The following MDGA2 variants were observed in gnomAD, a reference collection of about 807,000 sequenced individuals.
The protein encoded by MDGA2 is MAM domain containing glycosylphosphatidylinositol anchor 2.
MDGA2 carries 40 observed loss-of-function variants against 117.8 expected under a neutral mutation model. That is an observed-to-expected ratio of 0.34 (90% CI 0.26 to 0.44). MDGA2 has a LOEUF of 0.44. Among genes scored for constraint, MDGA2 ranks in the 20% least tolerant of loss-of-function variants. The pLI is 1.00. For missense variants in MDGA2, 1,123 were observed against 1,250.6 expected (o/e 0.90, Z 1.54); for synonymous variants, 452 against 439.0 (o/e 1.03, Z -0.37).
At chr14:47,069,043 AACTTGTTTAGGTC>A (rs1209918896) in intron 6 of MDGA2, among the ~76,000 whole-genome samples, 1 of 152,156 alleles carries the variant, frequency 6.6e-6, no homozygotes, top group African/African-American at 2.4e-5. Flanking sequence ...CTCAGACTGA[AACTTGTTTAGGTC>A]ACTTCTAAAC....
chr14:47,458,022 T>A (rs78240892), intron 1 of MDGA2, among the ~76,000 whole-genome samples: 1 of 140,260 alleles, frequency 7.1e-6, no homozygotes, highest in Non-Finnish European at 1.6e-5. Flanking sequence ...TTTTTTTTTT[T>A]AATCTTGTCA....
At chr14:47,101,943 G>A (rs963912979) in intron 5 of MDGA2, among the ~76,000 whole-genome samples, 4 of 152,116 alleles carry the variant, frequency 2.6e-5, no homozygotes, top group African/African-American at 7.2e-5. Context: ...TCTTCTTGGT[G>A]TGTGACACAA....
chr14:47,414,744 G>A (rs369802363), intron 1 of MDGA2, among the ~76,000 whole-genome samples: 2 of 151,934 alleles, frequency 1.3e-5, no homozygotes, highest in African/African-American at 4.8e-5. Flanking sequence ...TTTGATCATT[G>A]TTGAGATTTG....
intron 3 of MDGA2, among the ~76,000 whole-genome samples, chr14:47,162,196 C>T (rs180765832): frequency 2.0e-5 from 3 of 152,132 alleles, no homozygotes; most frequent in Admixed American, 1.3e-4. Context: ...CTGCATGCCT[C>T]GGCCTCCCAA....
At chr14:46,909,381 A>T (rs1206962703) in intron 10 of MDGA2, among the ~76,000 whole-genome samples, 1 of 151,960 alleles carries the variant, frequency 6.6e-6, no homozygotes, top group Non-Finnish European at 1.5e-5. Context: ...AAGGAAGAAC[A>T]TTTTTTTTCC....
At chr14:47,558,472 T>C (rs1266206166) in intron 1 of MDGA2, among the ~76,000 whole-genome samples, 1 of 152,196 alleles carries the variant, frequency 6.6e-6, no homozygotes, top group Non-Finnish European at 1.5e-5. Flanking sequence ...CCTCAACAAA[T>C]GAAGAACAAC....
chr14:47,138,336 T>C (rs1279389195), intron 4 of MDGA2, among the ~76,000 whole-genome samples: 1 of 152,120 alleles, frequency 6.6e-6, no homozygotes, highest in Non-Finnish European at 1.5e-5. Flanking sequence ...TTAGTCTAAT[T>C]AGACTAATTA....
intron 2 of MDGA2, among the ~76,000 whole-genome samples, chr14:47,218,582 T>C (rs1335567714): frequency 2.0e-5 from 3 of 152,186 alleles, no homozygotes; most frequent in African/African-American, 7.2e-5. Flanking sequence ...TTACTTATTT[T>C]GTCCAAGTAG....
At chr14:46,930,423 A>G (rs1368134228) in intron 9 of MDGA2, among the ~76,000 whole-genome samples, 1 of 152,172 alleles carries the variant, frequency 6.6e-6, no homozygotes, top group Admixed American at 6.5e-5. Context: ...CATCAGTAAA[A>G]AAAACAAACT....
At chr14:47,129,762 T>C (rs1882103722) in intron 5 of MDGA2, among the ~76,000 whole-genome samples, 1 of 144,794 alleles carries the variant, frequency 6.9e-6, no homozygotes, top group Admixed American at 6.9e-5. Context: ...TGTTGTTTCC[T>C]GACTTTTTAA....
intron 5 of MDGA2, among the ~76,000 whole-genome samples, chr14:47,122,354 T>A (rs1881696421): frequency 1.3e-5 from 2 of 152,018 alleles, no homozygotes; most frequent in Non-Finnish European, 1.5e-5. Context: ...AAGACTTGAA[T>A]CTTACATGGA....
At chr14:47,452,868 T>G (rs1403677662) in intron 1 of MDGA2, among the ~76,000 whole-genome samples, 1 of 152,104 alleles carries the variant, frequency 6.6e-6, no homozygotes, top group Non-Finnish European at 1.5e-5. Context: ...AAAAATTACA[T>G]TGTTCTAGTG....
chr14:47,261,248 A>G (rs1402537934), intron 2 of MDGA2, among the ~76,000 whole-genome samples: 1 of 152,108 alleles, frequency 6.6e-6, no homozygotes, highest in African/African-American at 2.4e-5. Context: ...GATTTAAAAC[A>G]AAACAAAACA....
At chr14:47,388,171 G>A (rs191159900) in intron 1 of MDGA2, among the ~76,000 whole-genome samples, 1 of 152,198 alleles carries the variant, frequency 6.6e-6, no homozygotes, top group Non-Finnish European at 1.5e-5. Flanking sequence ...TCTTCTGTTA[G>A]GTATTGCCAG....
intron 3 of MDGA2, among the ~76,000 whole-genome samples, chr14:47,174,814 GA>G (rs1176824599): frequency 1.3e-5 from 2 of 152,014 alleles, no homozygotes; most frequent in Non-Finnish European, 2.9e-5. Context: ...AGAACTGAAG[GA>G]AATAGAGACA....
At chr14:47,609,070 T>C (rs1481300833) in intron 1 of MDGA2, among the ~76,000 whole-genome samples, 1 of 151,810 alleles carries the variant, frequency 6.6e-6, no homozygotes, top group Non-Finnish European at 1.5e-5. Flanking sequence ...ATCTTTTTTA[T>C]TTTTCCATAG....
rs1454714360 is a variant in MDGA2 at position 47,052,563 on chromosome 14, G to A, written c.1525+8686C>T. 2.0e-5 allele frequency among the ~76,000 whole-genome samples: 3 copies of A among 151,722 alleles called. No homozygotes were observed. The Admixed American group carries it at 2.0e-4, about 10-fold the overall frequency. On this transcript the variant is annotated intron_variant, in intron 7 of 16. Coordinates refer to ENST00000399232, the MANE Select transcript of MDGA2 (RefSeq NM_001113498.3). ...TAGAAAAACATGTTTAATGTTTACTGAACAATTACAGGAAATAATAGAATA... is the reference window on the plus strand; with the variant it reads ...TAGAAAAACATGTTTAATGTTTACTAAACAATTACAGGAAATAATAGAATA...
chr14:47,514,610 C>T (rs1894713638), intron 1 of MDGA2, among the ~76,000 whole-genome samples: 1 of 152,124 alleles, frequency 6.6e-6, no homozygotes, highest in African/African-American at 2.4e-5. Context: ...TCATGCCTTG[C>T]AGTCCATTTT....
At chr14:47,417,824 T>C (rs1892504241) in intron 1 of MDGA2, among the ~76,000 whole-genome samples, 2 of 152,014 alleles carry the variant, frequency 1.3e-5, no homozygotes, top group African/African-American at 4.8e-5. Flanking sequence ...AGCAATCCTC[T>C]CACCTCTGCC....
Sources: gnomAD v4.1 joint callset for allele counts (sites outside exome capture counted in the v4.1 genomes callset) on GRCh38, gnomAD v4.1.1 for gene constraint, MANE v1.5 for transcripts, NCBI Gene and HGNC (gene_info 2026-07-23, HGNC 2026-07-21) for gene names.